ZNF317: variants seen among roughly 807,000 people sequenced by gnomAD.
ZNF317 encodes zinc finger protein 317, also known as KRAB-containing zinc finger protein 317.
Under a neutral mutation model 23.4 loss-of-function variants are expected in ZNF317, and 17 were observed. The observed-to-expected ratio is 0.73, with a 90% CI of 0.50 to 1.09. ZNF317 has a LOEUF of 1.09. Ranked by LOEUF, ZNF317 falls within the 50% of genes least tolerant of loss-of-function variation. The pLI, the probability that ZNF317 is intolerant of heterozygous loss-of-function variation, is 0.00. For missense variants in ZNF317, 679 were observed against 796.7 expected (o/e 0.85, Z 1.78); for synonymous variants, 317 against 314.9 (o/e 1.01, Z -0.07).
In ZNF317 at chr19:9,157,735, C is replaced by T. The variant is rs550009253; in HGVS notation, c.290-245C>T. On this transcript the variant is annotated intron_variant, in intron 4 of 6. Transcript: ENST00000247956. ...GTGATGAAGGGTTCTCACTATGTTG[C>T]CCAGACTGATCTTGAACTCCTGGCT... The T allele has an allele frequency of 1.4e-5, 15 of 1,088,734 alleles. No homozygotes were observed. In the Admixed American group the frequency reaches 4.5e-4, roughly 33 times the overall value. The allele number at this position is 1,088,734 out of a possible 1,614,324, so 67.4% of individuals were successfully genotyped here.
Position 9,161,983 on chromosome 19 carries a change from A to G in ZNF317, c.*550A>G, listed in dbSNP as rs1600233283. On this transcript the variant is annotated 3_prime_UTR_variant, in exon 7 of 7. Coordinates refer to ENST00000247956, the MANE Select transcript of ZNF317 (RefSeq NM_020933.5). This position sits in a 1 kb window ranked among gnomAD's most constrained non-coding sequence, Gnocchi z 4.0. ...TCTTTGTATGGCTTGCCAGCTAACAATAGTGGTTCCATCTTTAAGGAAGAA... is the reference window on the plus strand; with the variant it reads ...TCTTTGTATGGCTTGCCAGCTAACAGTAGTGGTTCCATCTTTAAGGAAGAA... 3.3e-5 allele frequency: 5 copies of G among 152,858 alleles called. 1 individual carries two copies. In the South Asian group the frequency reaches 1.0e-3, roughly 32 times the overall value. 9.5% of individuals were successfully genotyped at this position (152,858 alleles called of 1,614,324 possible).
chr19:9,149,582 T>C (rs902223033), intron 1 of ZNF317, among the ~76,000 whole-genome samples: 1 of 151,628 alleles, frequency 6.6e-6, no homozygotes, highest in African/African-American at 2.4e-5. Context: ...GGGGAAACAT[T>C]TCAAGCAGAG....
intron 1 of ZNF317, among the ~76,000 whole-genome samples, chr19:9,149,562 T>G (rs949159525): frequency 4.6e-5 from 7 of 151,760 alleles, no homozygotes; most frequent in Non-Finnish European, 8.8e-5. Flanking sequence ...CCAGGCACAC[T>G]GAGAATGTGG....
Position 9,160,507 on chromosome 19 carries a change from C to T in ZNF317, c.862C>T (p.Arg288Trp), listed in dbSNP as rs758975195. The T allele has an allele frequency of 1.2e-5, 19 of 1,613,996 alleles. No homozygotes were observed. Among genetic ancestry groups the T allele is most frequent in the Non-Finnish European group, 1.5e-5 (18 of 1,180,042 alleles). Reference protein sequence around the residue: ...FDCSQCGNAFRTLSALKIHMR... With the variant: ...FDCSQCGNAFWTLSALKIHMR... ...CTGCAGTCAGTGTGGAAATGCATTC[C>T]GGACCCTCTCGGCCCTGAAAATCCA... Residue 288 changes from arginine to tryptophan, a missense_variant, in exon 7 of 7, where the codon CGG becomes TGG. By Grantham distance (101) the Arg-to-Trp change is moderately radical. Transcript: ENST00000247956. The surrounding 1 kb of genome is among the most constrained non-coding windows in gnomAD (Gnocchi z 6.8).
intron 1 of ZNF317, 61 bp downstream of exon 1, chr19:9,140,653 C>T: frequency 2.2e-6 from 1 of 449,848 alleles, no homozygotes. Context: ...GGAGGCCTAT[C>T]TGGCGGTGAG....
At chr19:9,155,782 C>T (rs2145954106) in intron 1 of ZNF317, 143 bp from the exon 2 acceptor site, 1 of 587,592 alleles carries the variant, frequency 1.7e-6, no homozygotes, top group African/African-American at 1.9e-5. Flanking sequence ...GAGAGTTTAC[C>T]TAAGTAAGAT....
intron 1 of ZNF317, among the ~76,000 whole-genome samples, chr19:9,148,862 G>T (rs769409940): frequency 1.3e-5 from 2 of 152,150 alleles, no homozygotes; most frequent in African/African-American, 2.4e-5. Flanking sequence ...GCTGGCAGGG[G>T]CATGTGACTA....
At chr19:9,147,341 T>TTTTTGTTTG (rs2050693604) in intron 1 of ZNF317, among the ~76,000 whole-genome samples, 4 of 103,858 alleles carry the variant, frequency 3.9e-5, no homozygotes, top group African/African-American at 1.4e-4. Flanking sequence ...TTTTTTTTTT[T>TTTTTGTTTG]TTTTTTTTTT....
Position 9,157,588 on chromosome 19 carries a change from G to A in ZNF317, c.289+194G>A, listed in dbSNP as rs924590927. Reference sequence around the variant, plus strand: ...GCAGGGACCATGGTGGTTCTCCGGTGTGTGTCTGAGCTTGGCATGGGCTTC... The same window carrying A: ...GCAGGGACCATGGTGGTTCTCCGGTATGTGTCTGAGCTTGGCATGGGCTTC... On this transcript the variant is annotated intron_variant, in intron 4 of 6. Transcript: ENST00000247956. The A allele has an allele frequency of 7.3e-6, 5 of 688,124 alleles. No homozygotes were observed. In the Admixed American group the frequency reaches 1.7e-4, roughly 23 times the overall value. The allele number at this position is 688,124 out of a possible 1,614,324, so 42.6% of individuals were successfully genotyped here. A position where few individuals can be genotyped will look rare whatever the true frequency, so the allele number is the denominator to read the frequency against.
chr19:9,162,186 G>T lies in ZNF317; in HGVS notation c.*753G>T, dbSNP rs150638564. 1 of 152,062 alleles carries T rather than the reference G, an allele frequency of 6.6e-6. No homozygotes were observed. Among genetic ancestry groups the T allele is most frequent in the South Asian group, 2.1e-4 (1 of 4,824 alleles). The allele number at this position is 152,062 out of a possible 1,614,324, so 9.4% of individuals were successfully genotyped here. A position where few individuals can be genotyped will look rare whatever the true frequency, so the allele number is the denominator to read the frequency against. On this transcript the variant is annotated 3_prime_UTR_variant, in exon 7 of 7. Transcript: ENST00000247956. The stretch of plus-strand genomic sequence containing the variant: ...TAGAGACATTTTTGGTAGTTAGAAT[G>T]GGGGGAAGATACTCCTGACTTGTAA...
intron 1 of ZNF317, 23 bp downstream of exon 1, chr19:9,140,615 C>A: frequency 2.2e-6 from 1 of 455,834 alleles, no homozygotes; most frequent in South Asian, 1.6e-5. Flanking sequence ...TTCCTTAACC[C>A]TTCTCCCCCT....
intron 2 of ZNF317, 47 bp downstream of exon 2, chr19:9,156,088 GC>G: frequency 6.2e-7 from 1 of 1,611,890 alleles, no homozygotes; most frequent in Non-Finnish European, 8.5e-7. Context: ...AGTGCAAGTG[GC>G]CCCTGCCACT....
At chr19:9,156,813 T>G in intron 3 of ZNF317, 65 bp downstream of exon 3, 1 of 1,562,376 alleles carries the variant, frequency 6.4e-7, no homozygotes, top group Non-Finnish European at 8.7e-7. Flanking sequence ...CACCAGTGCA[T>G]GCTGGAATTC....
At chr19:9,150,011 AAG>A (rs1256853540) in intron 1 of ZNF317, among the ~76,000 whole-genome samples, 1 of 152,196 alleles carries the variant, frequency 6.6e-6, no homozygotes, top group Admixed American at 6.5e-5. Flanking sequence ...ATGGAAAAGA[AAG>A]AGGAGAGTTG....
Position 9,161,235 on chromosome 19 carries a change from C to T in ZNF317, c.1590C>T (p.Tyr530=), listed in dbSNP as rs761613430. 17 of 1,614,048 alleles carry T rather than the reference C, an allele frequency of 1.1e-5. No homozygotes were observed. The highest frequency in any genetic ancestry group is 5.3e-5 in the African/African-American group (4 of 74,914). The change falls in exon 7 of 7, where the codon TAC becomes TAT. Residue 530 remains tyrosine, a synonymous_variant. Coordinates refer to ENST00000247956, the MANE Select transcript of ZNF317 (RefSeq NM_020933.5). This position sits in a 1 kb window ranked among gnomAD's most constrained non-coding sequence, Gnocchi z 4.0. ...GAAGCCACACGGGGGAGAAACCGTA[C>T]GAATGCGATCACTGTGGGAAGGCCT... ...HMRSHTGEKP[Y]ECDHCGKAFS...
chr19:9,156,943 C>G, intron 3 of ZNF317, 195 bp downstream of exon 3: 2 of 734,530 alleles, frequency 2.7e-6, no homozygotes, highest in Non-Finnish European at 4.3e-6. Context: ...GCATCTGTTT[C>G]CCTCATGCTT....
In ZNF317 at chr19:9,160,390, C is replaced by A. The variant is rs200074666; in HGVS notation, c.745C>A (p.Pro249Thr). 3.7e-6 allele frequency: 6 copies of A among 1,614,094 alleles called. No homozygotes were observed. The highest frequency in any genetic ancestry group is 1.1e-5 in the South Asian group (1 of 91,092). The change falls in exon 7 of 7, where the codon CCT (proline) becomes ACT (threonine). Residue 249 changes from proline (P) to threonine (T), a missense_variant. Pro to Thr is a conservative substitution (Grantham distance 38). Transcript: ENST00000247956. This position sits in a 1 kb window ranked among gnomAD's most constrained non-coding sequence, Gnocchi z 6.8. ...CAGGAGAATCCACACCGGGGAGAAG[C>A]CTTACGAGTGCAGCGACTGCGGGAA... is the stretch of plus-strand genomic sequence containing the variant. ...RHRRIHTGEK[P>T]YECSDCGKAF...
At position 9,155,367 on chromosome 19, in the gene ZNF317, C is replaced by T. The variant is rs115231664; in HGVS notation, c.-92-558C>T. The stretch of plus-strand genomic sequence containing the variant: ...AGGAGGTGGCAGAAGCATAGGTGGC[C>T]GCGAATCTCTAAAGTGAGAGTTGAT... On this transcript the variant is annotated intron_variant, in intron 1 of 6. Transcript: ENST00000247956. 2.7e-3 allele frequency among the ~76,000 whole-genome samples: 407 copies of T among 152,104 alleles called. 3 individuals carry two copies. The highest frequency in any genetic ancestry group is 8.9e-3 in the African/African-American group (370 of 41,488).
At chr19:9,151,539 CAG>C (rs1023139859) in intron 1 of ZNF317, among the ~76,000 whole-genome samples, 2 of 151,966 alleles carry the variant, frequency 1.3e-5, no homozygotes, top group African/African-American at 4.8e-5. Context: ...CGGTGGAAGC[CAG>C]AGAGAGGAGG....
Sources: gnomAD v4.1 joint callset for allele counts (sites outside exome capture counted in the v4.1 genomes callset) on GRCh38, gnomAD v4.1.1 for gene constraint, Gnocchi (gnomAD v3.1) non-coding constraint, MANE v1.5 for transcripts, NCBI Gene and HGNC (gene_info 2026-07-23, HGNC 2026-07-21) for gene names.